Variants in EIF4E3 observed in about 807,000 individuals in gnomAD.
EIF4E3 encodes the protein eukaryotic translation initiation factor 4E type 3.
Under a neutral mutation model 31.7 loss-of-function variants are expected in EIF4E3, and 26 were observed. The ratio of observed to expected loss-of-function variants is 0.82; its 90% CI spans 0.60 to 1.14. The LOEUF (loss-of-function observed/expected upper bound fraction) is 1.14, where lower values mean the gene tolerates loss of function less well. Among genes scored for constraint, EIF4E3 ranks in the 50% most tolerant of loss-of-function variants. The probability of loss-of-function intolerance (pLI) is 0.00; values close to 1 mark genes in which losing one functional copy is unlikely to be tolerated. For missense variants in EIF4E3, 304 were observed against 270.9 expected (o/e 1.12, Z -0.86); for synonymous variants, 128 against 107.7 (o/e 1.19, Z -1.17).
Position 71,723,932 on chromosome 3 carries a change from T to C in EIF4E3, c.176+1260A>G, listed in dbSNP as rs190190976. Among the ~76,000 whole-genome samples, 514 of 152,220 alleles carry C rather than the reference T, an allele frequency of 3.4e-3. 4 individuals are homozygous for C. The highest frequency in any genetic ancestry group is 0.011 in the African/African-American group (452 of 41,520). On this transcript the variant is annotated intron_variant, in intron 1 of 6. Coordinates refer to ENST00000425534, the MANE Select transcript of EIF4E3 (RefSeq NM_001134651.2). ...AAATGGCAGCAAGTGACAATTCTTATAGACGGGTGCTATAAGAACCCAAAA... is the reference window on the plus strand; with the variant it reads ...AAATGGCAGCAAGTGACAATTCTTACAGACGGGTGCTATAAGAACCCAAAA...
intron 2 of EIF4E3, among the ~76,000 whole-genome samples, chr3:71,702,766 T>C (rs1036258069): frequency 1.3e-5 from 2 of 151,508 alleles, no homozygotes; most frequent in African/African-American, 4.9e-5. Flanking sequence ...ACTGGTCTGT[T>C]TCCCTGTTGC....
upstream of EIF4E3, chr3:71,754,584 G>A: frequency 7.1e-7 from 1 of 1,415,116 alleles, no homozygotes; most frequent in African/African-American, 1.5e-5. The surrounding 1 kb of genome is among the most constrained non-coding windows in gnomAD (Gnocchi z 5.8). Flanking sequence ...GCGGCCCGAC[G>A]GCGCCCCCGG....
At chr3:71,675,246 C>T (rs572860488), downstream of EIF4E3, among the ~76,000 whole-genome samples, 21 of 152,094 alleles carry the variant, frequency 1.4e-4, no homozygotes, top group South Asian at 4.1e-4. Context: ...TGGGATAATC[C>T]GGAATTGGCC....
intron 2 of EIF4E3, 119 bp downstream of exon 2, chr3:71,710,293 G>A: frequency 8.6e-7 from 1 of 1,168,766 alleles, no homozygotes; most frequent in Non-Finnish European, 1.3e-6. Context: ...GGACCCGAGA[G>A]CCAACTCCAG....
rs1199538810 is a variant in EIF4E3 at position 71,725,337 on chromosome 3, C to CG, written c.30dup (p.Ala11ArgfsTer33). 1 of 971,244 alleles carries CG rather than the reference C, an allele frequency of 1.0e-6. No homozygotes were observed. The highest frequency in any genetic ancestry group is 1.2e-6 in the Non-Finnish European group (1 of 819,836). 60.2% of individuals were successfully genotyped at this position (971,244 alleles called of 1,614,324 possible). A position where few individuals can be genotyped will look rare whatever the true frequency, so the allele number is the denominator to read the frequency against. Reference sequence around the variant, plus strand: ...GACCCCGGCGGCTCCCGGGCCCCGGCGGGGGGCGCGGCGGCCGGGGGCAGC... The same window carrying CG: ...GACCCCGGCGGCTCCCGGGCCCCGGCGGGGGGGCGCGGCGGCCGGGGGCAGC... On this transcript the variant is annotated frameshift_variant, in exon 1 of 7. Coordinates refer to ENST00000425534, the MANE Select transcript of EIF4E3 (RefSeq NM_001134651.2). LOFTEE classifies it high-confidence loss of function. This position sits in a 1 kb window ranked among gnomAD's most constrained non-coding sequence, Gnocchi z 6.1.
chr3:71,714,416 G>A (rs1383284460), intron 1 of EIF4E3, among the ~76,000 whole-genome samples: 1 of 152,144 alleles, frequency 6.6e-6, no homozygotes, highest in Non-Finnish European at 1.5e-5. Context: ...ATGGAGGAGG[G>A]TGATTCTGTG....
intron 1 of EIF4E3, among the ~76,000 whole-genome samples, chr3:71,716,950 T>C (rs1421826251): frequency 6.6e-6 from 1 of 152,196 alleles, no homozygotes; most frequent in Non-Finnish European, 1.5e-5. Flanking sequence ...AAAGATATAA[T>C]TGCTGCAGCC....
the EIF4E3 span, among the ~76,000 whole-genome samples, chr3:71,661,027 C>A: frequency 0.016 from 2,455 of 149,786 alleles, 72 homozygotes; most frequent in African/African-American, 0.06. Flanking sequence ...GCGAGCGTTT[C>A]ATCAACTTGT....
At chr3:71,754,433 C>T (rs1291789146), upstream of EIF4E3, 4 of 1,354,808 alleles carry the variant, frequency 3.0e-6, no homozygotes, top group East Asian at 6.5e-5. This position sits in a 1 kb window ranked among gnomAD's most constrained non-coding sequence, Gnocchi z 5.8. Context: ...CGCACCACCG[C>T]TTCTATGCAG....
intron 4 of EIF4E3, among the ~76,000 whole-genome samples, chr3:71,696,240 A>G (rs1052939278): frequency 6.6e-6 from 1 of 152,226 alleles, no homozygotes; most frequent in Non-Finnish European, 1.5e-5. Context: ...TGCATGATAC[A>G]GTCACATACT....
At chr3:71,752,651 T>C (rs907373867) in intron 1 of EIF4E3, among the ~76,000 whole-genome samples, 4 of 152,228 alleles carry the variant, frequency 2.6e-5, no homozygotes, top group Non-Finnish European at 5.9e-5. Context: ...AAACCAGGCA[T>C]GATCCCTTGC....
At chr3:71,739,769 C>CAGAA in intron 1 of EIF4E3, among the ~76,000 whole-genome samples, 1 of 151,822 alleles carries the variant, frequency 6.6e-6, no homozygotes, top group East Asian at 1.9e-4. Flanking sequence ...CGTAGATGTA[C>CAGAA]AGAAAGAAAC....
chr3:71,737,526 G>A (rs1389990020), intron 1 of EIF4E3, among the ~76,000 whole-genome samples: 2 of 151,934 alleles, frequency 1.3e-5, no homozygotes, highest in Non-Finnish European at 2.9e-5. Flanking sequence ...GAATCTCAAT[G>A]AACTCCAATC....
At chr3:71,692,456 A>C (rs2049075757) in intron 5 of EIF4E3, among the ~76,000 whole-genome samples, 1 of 152,208 alleles carries the variant, frequency 6.6e-6, no homozygotes, top group Non-Finnish European at 1.5e-5. Flanking sequence ...TTCATGCAGA[A>C]AACTTCCTCT....
At chr3:71,726,142 C>T (rs916875245), upstream of EIF4E3, among the ~76,000 whole-genome samples, 3 of 150,944 alleles carry the variant, frequency 2.0e-5, no homozygotes, top group African/African-American at 7.3e-5. Flanking sequence ...CCAGAGCCCC[C>T]ATCCCAACCT....
chr3:71,723,665 C>T (rs2049584940), intron 1 of EIF4E3, among the ~76,000 whole-genome samples: 1 of 152,176 alleles, frequency 6.6e-6, no homozygotes, highest in African/African-American at 2.4e-5. Flanking sequence ...CAGCAGTATT[C>T]ACAATTTAGA....
intron 1 of EIF4E3, among the ~76,000 whole-genome samples, chr3:71,722,101 C>T (rs115345412): frequency 5.9e-4 from 15 of 25,304 alleles, no homozygotes; most frequent in African/African-American, 1.2e-3. Flanking sequence ...CTCGGGGGGG[C>T]GGGGGTGGGA....
intron 1 of EIF4E3, among the ~76,000 whole-genome samples, chr3:71,718,418 C>T (rs527325671): frequency 6.6e-6 from 1 of 152,226 alleles, no homozygotes; most frequent in South Asian, 2.1e-4. Context: ...TTGATTTCTC[C>T]CTGCCTTCCT....
intron 1 of EIF4E3, among the ~76,000 whole-genome samples, chr3:71,743,001 C>T (rs933522697): frequency 1.7e-4 from 26 of 152,122 alleles, no homozygotes; most frequent in Admixed American, 1.1e-3. Context: ...GGAACTTCCT[C>T]ATCTATAGGC....
Sources: allele counts gnomAD v4.1 joint callset (sites outside exome capture counted in the v4.1 genomes callset), GRCh38; gene constraint gnomAD v4.1.1; non-coding constraint Gnocchi (gnomAD v3.1); transcripts MANE v1.5; gene names NCBI Gene and HGNC (gene_info 2026-07-23, HGNC 2026-07-21).